ADCY9: variants seen among roughly 807,000 people sequenced by gnomAD.
ADCY9 encodes adenylate cyclase 9.
Under a neutral mutation model 101.5 loss-of-function variants are expected in ADCY9, and 50 were observed. The observed-to-expected ratio is 0.49, with a 90% CI of 0.39 to 0.62. ADCY9 has a LOEUF of 0.62. ADCY9 is among the 20% of genes least tolerant of loss of function. The probability of loss-of-function intolerance (pLI) is 0.00; values close to 1 mark genes in which losing one functional copy is unlikely to be tolerated. For synonymous variants in ADCY9, 905 were observed against 769.3 expected (o/e 1.18, Z -2.92); for missense variants, 1,662 against 1,800.4 (o/e 0.92, Z 1.39).
At chr16:3,978,945 G>A (rs2056116310) in intron 8 of ADCY9, among the ~76,000 whole-genome samples, 171 bp downstream of exon 8, 1 of 152,182 alleles carries the variant, frequency 6.6e-6, no homozygotes, top group Admixed American at 6.5e-5. Flanking sequence ...TCGATCTCTT[G>A]ACCTTGTGAT....
At chr16:4,033,657 C>T (rs376513494) in intron 2 of ADCY9, among the ~76,000 whole-genome samples, 5 of 152,196 alleles carry the variant, frequency 3.3e-5, no homozygotes, top group African/African-American at 1.2e-4. Context: ...CCTTGTGATC[C>T]ACCCGCCTCG....
At chr16:3,988,497 T>G (rs1238261439) in intron 6 of ADCY9, among the ~76,000 whole-genome samples, 44 of 19,082 alleles carry the variant, frequency 2.3e-3, no homozygotes, top group South Asian at 5.6e-3. Flanking sequence ...CCAGGGCAGG[T>G]GTGGGGGGTT....
chr16:4,110,894 T>C (rs2057109652), intron 2 of ADCY9, among the ~76,000 whole-genome samples: 1 of 152,168 alleles, frequency 6.6e-6, no homozygotes, highest in African/African-American at 2.4e-5. Flanking sequence ...CATCCCTGTA[T>C]CAGCTAGTCC....
chr16:4,064,930 T>C (rs2056791984), intron 2 of ADCY9, among the ~76,000 whole-genome samples: 1 of 152,210 alleles, frequency 6.6e-6, no homozygotes, highest in Non-Finnish European at 1.5e-5. Context: ...CCCAGTCCAC[T>C]CCTGATTCAT....
chr16:4,028,986 T>A (rs2056536326), intron 2 of ADCY9, among the ~76,000 whole-genome samples: 1 of 152,124 alleles, frequency 6.6e-6, no homozygotes, highest in African/African-American at 2.4e-5. Context: ...GGTTTCACCA[T>A]CTTGGTCAGG....
At position 4,034,873 on chromosome 16, in the gene ADCY9, C is replaced by A. The variant is rs2056579270; in HGVS notation, c.1694-27315G>T. 2.0e-5 allele frequency among the ~76,000 whole-genome samples: 3 copies of A among 152,170 alleles called. No homozygotes were observed. The South Asian group carries it at 6.2e-4, about 31-fold the overall frequency. On this transcript the variant is annotated intron_variant, in intron 2 of 10. Transcript: ENST00000294016. ...GGACCTTGCCGGCTGGAAGCAAGAC[C>A]CTTCTGGTCATCTTTACTACCAGGT...
At chr16:4,020,774 T>C (rs1370308285) in intron 2 of ADCY9, among the ~76,000 whole-genome samples, 1 of 145,702 alleles carries the variant, frequency 6.9e-6, no homozygotes, top group Non-Finnish European at 1.5e-5. Context: ...TGCAGTGAGC[T>C]AAGATCGCGC....
In ADCY9 at chr16:4,086,322, T is replaced by C. The variant is rs112436278; in HGVS notation, c.1693+27428A>G. On this transcript the variant is annotated intron_variant, in intron 2 of 10. Transcript: ENST00000294016. ...GCAAGCAAGTGGAGAATCAGCCACA[T>C]GCCATGTACTACGTGGCAGGGGTGG... Among the ~76,000 whole-genome samples, 243 of 152,242 alleles carry C rather than the reference T, an allele frequency of 1.6e-3. 6 individuals are homozygous for C. The highest frequency in any genetic ancestry group is 4.6e-3 in the South Asian group (22 of 4,824).
At chr16:4,074,556 T>C (rs2056854965) in intron 2 of ADCY9, among the ~76,000 whole-genome samples, 1 of 148,830 alleles carries the variant, frequency 6.7e-6, no homozygotes, top group Non-Finnish European at 1.5e-5. Context: ...AAAATTTAAA[T>C]TAAAAAAACA....
At chr16:4,091,998 G>A (rs1438932522) in intron 2 of ADCY9, among the ~76,000 whole-genome samples, 1 of 152,258 alleles carries the variant, frequency 6.6e-6, no homozygotes, top group African/African-American at 2.4e-5. Context: ...GCTGGGTACT[G>A]TGGCTCACGC....
chr16:4,088,675 C>T (rs545894072), intron 2 of ADCY9, among the ~76,000 whole-genome samples: 2 of 152,064 alleles, frequency 1.3e-5, no homozygotes, highest in South Asian at 2.1e-4. Flanking sequence ...GTAACAGCAC[C>T]GTCCACCTCA....
At chr16:3,987,318 A>G (rs2056201500) in intron 6 of ADCY9, among the ~76,000 whole-genome samples, 1 of 152,170 alleles carries the variant, frequency 6.6e-6, no homozygotes, top group Non-Finnish European at 1.5e-5. Context: ...GCAGAGGCTG[A>G]GCGTACATTT....
intron 5 of ADCY9, among the ~76,000 whole-genome samples, chr16:3,956,821 C>G (rs1194941935): frequency 6.6e-6 from 1 of 151,952 alleles, no homozygotes; most frequent in South Asian, 2.1e-4. Flanking sequence ...TATGGAGGCA[C>G]AAATGTGCAG....
At chr16:3,998,658 G>A (rs372408604) in intron 3 of ADCY9, among the ~76,000 whole-genome samples, 2 of 127,428 alleles carry the variant, frequency 1.6e-5, no homozygotes, top group East Asian at 2.5e-4. Context: ...CCAGTGAGCC[G>A]AGATGGTGCC....
chr16:4,012,434 G>A (rs1394998301), intron 2 of ADCY9, among the ~76,000 whole-genome samples: 3 of 146,924 alleles, frequency 2.0e-5, no homozygotes, highest in Non-Finnish European at 4.5e-5. Flanking sequence ...TGGACCCTGG[G>A]GTCCAAGTTC....
At chr16:4,102,064 T>C (rs1172488659) in intron 2 of ADCY9, among the ~76,000 whole-genome samples, 1 of 152,186 alleles carries the variant, frequency 6.6e-6, no homozygotes, top group Non-Finnish European at 1.5e-5. Flanking sequence ...CGACACAAGA[T>C]GTGCGCCAGA....
At chr16:3,983,461 G>C in intron 6 of ADCY9, 21 bp from the exon 7 acceptor site, 1 of 1,583,318 alleles carries the variant, frequency 6.3e-7, no homozygotes, top group East Asian at 2.3e-5. Context: ...CAGGAGTGGA[G>C]CAGAATGACT....
At chr16:4,020,596 T>C (rs898116592) in intron 2 of ADCY9, among the ~76,000 whole-genome samples, 2 of 151,582 alleles carry the variant, frequency 1.3e-5, no homozygotes, top group East Asian at 3.9e-4. Context: ...CTGAGGCGGG[T>C]GGATCACTTG....
At chr16:3,967,533 G>A (rs8063303) in intron 10 of ADCY9, among the ~76,000 whole-genome samples, 17,427 of 151,450 alleles carry the variant, frequency 0.12, 2,151 homozygotes, top group African/African-American at 0.3. Flanking sequence ...GGGATTACAC[G>A]CATGTACCAC....
Sources: gnomAD v4.1 joint callset for allele counts (sites outside exome capture counted in the v4.1 genomes callset) on GRCh38, gnomAD v4.1.1 for gene constraint, MANE v1.5 for transcripts, NCBI Gene and HGNC (gene_info 2026-07-23, HGNC 2026-07-21) for gene names.